The following STYX variants were observed in gnomAD, a reference collection of about 807,000 sequenced individuals.
STYX encodes serine/threonine/tyrosine-interacting protein.
Under a neutral mutation model 42.7 loss-of-function variants are expected in STYX, and 20 were observed. That is an observed-to-expected ratio of 0.47 (90% CI 0.33 to 0.68). The LOEUF (loss-of-function observed/expected upper bound fraction) is 0.68, where lower values mean the gene tolerates loss of function less well. STYX is among the 30% of genes least tolerant of loss of function. The pLI is 0.02. For synonymous variants in STYX, 78 were observed against 81.9 expected (o/e 0.95, Z 0.26); for missense variants, 226 against 268.5 (o/e 0.84, Z 1.11).
At chr14:52,758,210 T>A (rs544692558) in intron 8 of STYX, among the ~76,000 whole-genome samples, 1 of 152,328 alleles carries the variant, frequency 6.6e-6, no homozygotes, top group Non-Finnish European at 1.5e-5. Context: ...GTGCTTGCCT[T>A]ATTTAAAGGG....
chr14:52,766,142 G>A (rs1443039396), intron 9 of STYX, among the ~76,000 whole-genome samples: 3 of 151,892 alleles, frequency 2.0e-5, no homozygotes, highest in Admixed American at 6.6e-5. Flanking sequence ...GACCATGGGT[G>A]CACACTATCA....
intron 9 of STYX, among the ~76,000 whole-genome samples, chr14:52,764,258 TGGGATTACA>T (rs1882213395): frequency 6.6e-6 from 1 of 152,220 alleles, no homozygotes; most frequent in Non-Finnish European, 1.5e-5. Context: ...CCCAAAGTGC[TGGGATTACA>T]GGTGTGAGCC....
intron 5 of STYX, among the ~76,000 whole-genome samples, 166 bp from the exon 6 acceptor site, chr14:52,757,148 CTTTAA>C (rs1173004275): frequency 6.6e-6 from 1 of 152,034 alleles, no homozygotes; most frequent in Non-Finnish European, 1.5e-5. Context: ...ATTTTGGCTT[CTTTAA>C]TTTTTTTGGA....
intron 4 of STYX, among the ~76,000 whole-genome samples, chr14:52,755,317 T>G (rs539028620): frequency 6.6e-6 from 1 of 152,114 alleles, no homozygotes; most frequent in African/African-American, 2.4e-5. Context: ...GAGATGGGGT[T>G]TCACCATGTT....
At chr14:52,770,522 G>T (rs930068444) in intron 10 of STYX, among the ~76,000 whole-genome samples, 1 of 152,060 alleles carries the variant, frequency 6.6e-6, no homozygotes, top group African/African-American at 2.4e-5. Context: ...ATAGATAAAA[G>T]AAAATCTCTT....
At position 52,745,727 on chromosome 14, in the gene STYX, A is replaced by G. The variant is rs575378864; in HGVS notation, c.91-699A>G. Among the ~76,000 whole-genome samples the G allele has an allele frequency of 5.3e-5, 8 of 152,296 alleles. No individual in the cohort carries two copies. In the East Asian group the frequency reaches 1.2e-3, roughly 22 times the overall value. On this transcript the variant is annotated intron_variant, in intron 2 of 10. Coordinates refer to ENST00000354586, the MANE Select transcript of STYX (RefSeq NM_145251.4). ...TACCGTCAAGTCTGTTTGCCCCAGG[A>G]TTAAGCAGTATCTTGTTCCTGGGAA...
At chr14:52,730,589 G>A (rs1880657066) in intron 1 of STYX, 58 bp downstream of exon 1, 1 of 1,577,062 alleles carries the variant, frequency 6.3e-7, no homozygotes, top group Non-Finnish European at 8.6e-7. Flanking sequence ...CGGCCGAGGG[G>A]CGACCCCAGT....
Position 52,750,085 on chromosome 14 carries a change from G to T in STYX, c.145-598G>T. Among the ~76,000 whole-genome samples, 2 of 152,006 alleles carry T rather than the reference G, an allele frequency of 1.3e-5. 1 individual carries two copies. The stretch of plus-strand genomic sequence containing the variant: ...CCTTGGGACCAGCATTTTAGATAAG[G>T]GATACTCAACCTGTATTGAATATAA... On this transcript the variant is annotated intron_variant, in intron 3 of 10. Transcript: ENST00000354586.
intron 1 of STYX, among the ~76,000 whole-genome samples, chr14:52,744,297 T>C (rs550202136): frequency 4.9e-4 from 75 of 152,344 alleles, no homozygotes; most frequent in Non-Finnish European, 7.1e-4. Context: ...GTTAAAATAA[T>C]TGAACTAGAC....
At chr14:52,755,683 G>GTTTTTT (rs372975976) in intron 4 of STYX, among the ~76,000 whole-genome samples, 1 of 129,822 alleles carries the variant, frequency 7.7e-6, no homozygotes, top group Non-Finnish European at 1.6e-5. Context: ...CTCTCAGCTA[G>GTTTTTT]TTTTTTTTTT....
chr14:52,733,242 C>T (rs977716284), intron 1 of STYX, among the ~76,000 whole-genome samples: 2 of 152,160 alleles, frequency 1.3e-5, no homozygotes, highest in African/African-American at 4.8e-5. Context: ...TAATCTGTTA[C>T]TGTGTATATC....
chr14:52,762,738 A>C (rs1882141259), intron 9 of STYX, among the ~76,000 whole-genome samples: 1 of 152,094 alleles, frequency 6.6e-6, no homozygotes, highest in Admixed American at 6.5e-5. Flanking sequence ...CACCTGTGAA[A>C]TATCTGACCA....
At chr14:52,741,164 G>A (rs1355334462) in intron 1 of STYX, among the ~76,000 whole-genome samples, 2 of 150,878 alleles carry the variant, frequency 1.3e-5, no homozygotes, top group South Asian at 2.1e-4. Flanking sequence ...AATAAATAAA[G>A]CTGCTATAAA....
At chr14:52,762,878 CTTTCTTTTTTTTTTTT>C (rs1882150641) in intron 9 of STYX, among the ~76,000 whole-genome samples, 1 of 77,410 alleles carries the variant, frequency 1.3e-5, no homozygotes, top group South Asian at 4.4e-4. Flanking sequence ...TTCTTTCTTT[CTTTCTTTTTTTTTTTT>C]TTTTTTTTTT....
chr14:52,730,446 C>A lies in STYX; in HGVS notation c.-29C>A. ...CGGCCGGCTGTGTAACACTCTCCCA[C>A]CCCACCCACCAGCCCGCGGGCCAGC... is the stretch of plus-strand genomic sequence containing the variant. On this transcript the variant is annotated 5_prime_UTR_variant, in exon 1 of 11. Transcript: ENST00000354586. The A allele has an allele frequency of 6.2e-7, 1 of 1,611,778 alleles. No homozygotes were observed. The highest frequency in any genetic ancestry group is 1.1e-5 in the South Asian group (1 of 90,604).
At chr14:52,738,678 T>C (rs1881060110) in intron 1 of STYX, among the ~76,000 whole-genome samples, 2 of 152,196 alleles carry the variant, frequency 1.3e-5, no homozygotes, top group African/African-American at 4.8e-5. Flanking sequence ...TGGAAACACT[T>C]GCAAAGTAGC....
intron 2 of STYX, among the ~76,000 whole-genome samples, chr14:52,745,816 G>A (rs78253916): frequency 0.023 from 3,551 of 152,170 alleles, 145 homozygotes; most frequent in African/African-American, 0.082. Context: ...GAAAAAATAG[G>A]TGAGTACCTA....
intron 3 of STYX, among the ~76,000 whole-genome samples, chr14:52,747,821 G>A (rs1222531681): frequency 2.0e-5 from 3 of 152,084 alleles, no homozygotes; most frequent in African/African-American, 4.8e-5. Flanking sequence ...GCAAAACCCC[G>A]TCTCTACTAA....
In STYX at chr14:52,768,827, A is replaced by ATT; in HGVS notation, c.505-4_505-3dup. The stretch of plus-strand genomic sequence containing the variant: ...AATATATAATTAAGTTAATTAACTT[A>ATT]TTTTTTTTTTAGGAATATGAAGCCA... On this transcript the variant is annotated splice_polypyrimidine_tract_variant and intron_variant, in intron 9 of 10. Coordinates refer to ENST00000354586, the MANE Select transcript of STYX (RefSeq NM_145251.4). The ATT allele has an allele frequency of 5.6e-6, 8 of 1,420,722 alleles. No individual in the cohort carries two copies. The highest frequency in any genetic ancestry group is 2.0e-4 in the Middle Eastern group (1 of 5,120). 88.0% of individuals were successfully genotyped at this position (1,420,722 alleles called of 1,614,324 possible).
Sources: allele counts gnomAD v4.1 joint callset (sites outside exome capture counted in the v4.1 genomes callset), GRCh38; gene constraint gnomAD v4.1.1; transcripts MANE v1.5; gene names NCBI Gene and HGNC (gene_info 2026-07-23, HGNC 2026-07-21).